The following STX17 variants were observed in gnomAD, a reference collection of about 807,000 sequenced individuals.
STX17 encodes the protein syntaxin 17.
STX17 carries 29 observed loss-of-function variants against 35.9 expected under a neutral mutation model. The ratio of observed to expected loss-of-function variants is 0.81; its 90% CI spans 0.60 to 1.10. STX17 has a LOEUF of 1.10. Ranked by LOEUF, STX17 falls within the 50% of genes least tolerant of loss-of-function variation. STX17 has a pLI of 0.00. For synonymous variants in STX17, 92 were observed against 118.3 expected, an observed-to-expected ratio of 0.78 and a Z score of 1.44; for missense variants, 312 against 352.3, an observed-to-expected ratio of 0.89 and a Z score of 0.92.
At chr9:99,910,625 C>T (rs1215325606) in intron 1 of STX17, among the ~76,000 whole-genome samples, 1 of 152,022 alleles carries the variant, frequency 6.6e-6, no homozygotes, top group Admixed American at 6.5e-5. Context: ...GTGTAATGAT[C>T]AAATCAGGGT....
chr9:99,924,554 C>G (rs1828952230), intron 2 of STX17, among the ~76,000 whole-genome samples: 1 of 152,124 alleles, frequency 6.6e-6, no homozygotes, highest in South Asian at 2.1e-4. Flanking sequence ...TTGAGTTACT[C>G]TTACCTACCC....
In STX17 at chr9:99,933,308, C is replaced by G. The variant is rs1829163377; in HGVS notation, c.189+4465C>G. 2.0e-5 allele frequency among the ~76,000 whole-genome samples: 3 copies of G among 152,176 alleles called. No individual in the cohort carries two copies. The South Asian group carries it at 6.2e-4, about 31-fold the overall frequency. On this transcript the variant is annotated intron_variant, in intron 3 of 7. Transcript: ENST00000259400. ...GTCTATTTCTGCACCAAATTCCACA[C>G]ACTGTCTTAATTATGACAGTTTTAA...
intron 3 of STX17, among the ~76,000 whole-genome samples, chr9:99,950,364 T>G (rs536258359): frequency 2.0e-4 from 30 of 152,020 alleles, no homozygotes; most frequent in African/African-American, 6.7e-4. Flanking sequence ...ATTTGAATAT[T>G]CCTGTTTCTG....
intron 2 of STX17, among the ~76,000 whole-genome samples, chr9:99,917,150 A>G (rs189063765): frequency 2.0e-5 from 3 of 152,346 alleles, no homozygotes; most frequent in Admixed American, 6.5e-5. Context: ...CAGAATAATT[A>G]TAATGTAGGT....
rs933078927 is a variant in STX17, at chr9:99,915,246, G to A, written c.7G>A (p.Glu3Lys). ...CATACAACATTTTTTTAGGATGTCT[G>A]AAGATGAAGAAAAAGTGAAATTACG... is the stretch of plus-strand genomic sequence containing the variant. MS[E>K]DEEKVKLRRL... The change falls in exon 2 of 8, where the codon GAA (glutamate) becomes AAA (lysine). Residue 3 changes from glutamate to lysine, a missense_variant. Glu to Lys is a moderately conservative substitution (Grantham distance 56). Transcript: ENST00000259400. 2 of 1,610,122 alleles carry A rather than the reference G, an allele frequency of 1.2e-6. No individual in the cohort carries two copies. The highest frequency in any genetic ancestry group is 1.3e-5 in the African/African-American group (1 of 74,706).
chr9:99,955,299 T>G (rs1016602629), intron 4 of STX17, among the ~76,000 whole-genome samples: 1 of 152,116 alleles, frequency 6.6e-6, no homozygotes, highest in Non-Finnish European at 1.5e-5. Flanking sequence ...ATCACAGGTA[T>G]ATACATGTAC....
intron 6 of STX17, among the ~76,000 whole-genome samples, chr9:99,962,499 A>G (rs1469792028): frequency 6.6e-6 from 1 of 152,216 alleles, no homozygotes; most frequent in African/African-American, 2.4e-5. Flanking sequence ...GTTTTAATAT[A>G]TGTAAATTAT....
intron 2 of STX17, among the ~76,000 whole-genome samples, chr9:99,928,386 A>AT (rs11387575): frequency 0.69 from 104,685 of 151,930 alleles, 36,341 homozygotes; most frequent in African/African-American, 0.72. Context: ...TAACACTATC[A>AT]TGACAAACGT....
In STX17 at chr9:99,971,977, C is replaced by G. The variant is rs1200232648; in HGVS notation, c.*3304C>G. Among the ~76,000 whole-genome samples the G allele has an allele frequency of 6.6e-6, 1 of 152,138 alleles. No homozygotes were observed. Among genetic ancestry groups the G allele is most frequent in the Non-Finnish European group, 1.5e-5 (1 of 68,016 alleles). ...GAGCAGCCTTGGTGACAGAACAAGA[C>G]CCTCTCTCAAAAAAATATTTAAAAA... On this transcript the variant is annotated 3_prime_UTR_variant, in exon 8 of 8. Coordinates refer to ENST00000259400, the MANE Select transcript of STX17 (RefSeq NM_017919.3).
chr9:99,946,269 T>C (rs1348486986), intron 3 of STX17, among the ~76,000 whole-genome samples: 1 of 152,128 alleles, frequency 6.6e-6, no homozygotes, highest in Non-Finnish European at 1.5e-5. Context: ...ACACAAATAC[T>C]ACACCATTTT....
At position 99,970,642 on chromosome 9, in the gene STX17, T is replaced by C. The variant is rs1162852766; in HGVS notation, c.*1969T>C. 1.3e-5 allele frequency among the ~76,000 whole-genome samples: 2 copies of C among 152,192 alleles called. No individual in the cohort carries two copies. The highest frequency in any genetic ancestry group is 1.9e-4 in the East Asian group (1 of 5,196). Reference sequence around the variant, plus strand: ...ACATCACCCGTCCAGCATAGTCAGCTGAAATTATAAATCTAAGAAACAGTT... The same window carrying C: ...ACATCACCCGTCCAGCATAGTCAGCCGAAATTATAAATCTAAGAAACAGTT... On this transcript the variant is annotated 3_prime_UTR_variant, in exon 8 of 8. Transcript: ENST00000259400.
chr9:99,928,126 T>C (rs1829027672), intron 2 of STX17, among the ~76,000 whole-genome samples: 2 of 152,164 alleles, frequency 1.3e-5, no homozygotes, highest in Admixed American at 1.3e-4. Context: ...ACATATGATA[T>C]TTGGTGTTGA....
intron 1 of STX17, among the ~76,000 whole-genome samples, chr9:99,914,757 T>A (rs2416936): frequency 0.69 from 104,823 of 152,098 alleles, 36,404 homozygotes; most frequent in African/African-American, 0.72. Context: ...ATACCTTTTT[T>A]AAAAAGGTTA....
chr9:99,952,424 T>C (rs866391049), intron 4 of STX17, among the ~76,000 whole-genome samples: 31 of 152,180 alleles, frequency 2.0e-4, no homozygotes, highest in Non-Finnish European at 4.3e-4. Context: ...ACTTTTACAC[T>C]GTTGGTGGGA....
intron 3 of STX17, among the ~76,000 whole-genome samples, chr9:99,948,559 T>G (rs1829529927): frequency 6.6e-6 from 1 of 152,132 alleles, no homozygotes; most frequent in Non-Finnish European, 1.5e-5. Context: ...TTGAACTTCT[T>G]GCTTTAATTT....
intron 3 of STX17, among the ~76,000 whole-genome samples, chr9:99,942,247 A>G (rs1829380020): frequency 6.6e-6 from 1 of 152,204 alleles, no homozygotes; most frequent in Admixed American, 6.5e-5. Flanking sequence ...TTTATGAGAC[A>G]TGCCCATTTA....
intron 2 of STX17, among the ~76,000 whole-genome samples, chr9:99,919,278 T>C (rs550651200): frequency 1.8e-4 from 28 of 152,256 alleles, no homozygotes; most frequent in Admixed American, 1.3e-3. Flanking sequence ...AGTTGCTTAG[T>C]CGTTTTTTAG....
Position 99,951,075 on chromosome 9 carries a change from A to G in STX17, c.205A>G (p.Ile69Val), listed in dbSNP as rs1554701614. Residue 69 changes from isoleucine to valine, a missense_variant, in exon 4 of 8, where the codon ATC becomes GTC. Coordinates refer to ENST00000259400, the MANE Select transcript of STX17 (RefSeq NM_017919.3). ...GRTVQQLRSN[I>V]REIEKLCLKV... ...TCTTTTATAGCAACTCCGATCCAAT[A>G]TCCGAGAAATTGAGAAACTTTGTTT... 2.5e-6 allele frequency: 4 copies of G among 1,609,204 alleles called. No individual in the cohort carries two copies. In the South Asian group the frequency reaches 4.4e-5, roughly 18 times the overall value.
chr9:99,909,643 C>G (rs947766267), intron 1 of STX17, among the ~76,000 whole-genome samples: 1 of 151,934 alleles, frequency 6.6e-6, no homozygotes, highest in Non-Finnish European at 1.5e-5. Flanking sequence ...CATGAACAGG[C>G]AATTCATGAA....
Sources: gnomAD v4.1 joint callset for allele counts (sites outside exome capture counted in the v4.1 genomes callset) on GRCh38, gnomAD v4.1.1 for gene constraint, MANE v1.5 for transcripts, NCBI Gene and HGNC (gene_info 2026-07-23, HGNC 2026-07-21) for gene names.